Variants in RIN2 observed in about 807,000 individuals in gnomAD.
RIN2 encodes the protein RAB5 interacting protein 2.
Under a neutral mutation model 78.0 loss-of-function variants are expected in RIN2, and 36 were observed. The observed-to-expected ratio is 0.46, with a 90% CI of 0.35 to 0.61. The LOEUF (loss-of-function observed/expected upper bound fraction) is 0.61. Among genes scored for constraint, RIN2 ranks in the 20% least tolerant of loss-of-function variants. The pLI is 0.00. For missense variants in RIN2, 1,087 were observed against 1,159.7 expected (o/e 0.94, Z 0.91); for synonymous variants, 466 against 466.8 (o/e 1.00, Z 0.02).
chr20:19,903,557 C>G (rs1171289690), intron 3 of RIN2, among the ~76,000 whole-genome samples: 2 of 152,124 alleles, frequency 1.3e-5, no homozygotes, highest in African/African-American at 4.8e-5. Flanking sequence ...TCCACCTTGA[C>G]CACTGGTTCT....
chr20:19,898,894 C>G (rs2038858131), intron 3 of RIN2, among the ~76,000 whole-genome samples: 2 of 152,112 alleles, frequency 1.3e-5, no homozygotes, highest in Admixed American at 1.3e-4. Context: ...AGCAGAAATA[C>G]AAACTGGAAT....
At chr20:19,974,415 C>T (rs928263647) in intron 8 of RIN2, among the ~76,000 whole-genome samples, 1 of 152,178 alleles carries the variant, frequency 6.6e-6, no homozygotes, top group African/African-American at 2.4e-5. Flanking sequence ...GTTGGCCAAG[C>T]CATTTCTCCA....
chr20:19,886,775 A>T (rs1458644696), intron 2 of RIN2: 3 of 1,526,576 alleles, frequency 2.0e-6, no homozygotes. Flanking sequence ...AGCCTCTCAA[A>T]CTACGGTACC....
chr20:19,812,631 ATAAAAAGT>A (rs1325603370), intron 2 of RIN2, among the ~76,000 whole-genome samples: 4 of 152,144 alleles, frequency 2.6e-5, no homozygotes, highest in African/African-American at 9.7e-5. Flanking sequence ...TTATTTCCAA[ATAAAAAGT>A]TAAAAAAGCA....
chr20:19,830,784 A>G (rs923005659), intron 2 of RIN2, among the ~76,000 whole-genome samples: 1 of 152,190 alleles, frequency 6.6e-6, no homozygotes, highest in Non-Finnish European at 1.5e-5. Flanking sequence ...CAGCCCCTGC[A>G]GGGGTACCTT....
At chr20:19,952,923 G>A (rs2041379057) in intron 4 of RIN2, among the ~76,000 whole-genome samples, 1 of 152,188 alleles carries the variant, frequency 6.6e-6, no homozygotes, top group Non-Finnish European at 1.5e-5. Context: ...TCAGGCAAAT[G>A]TTCCTTACAG....
intron 6 of RIN2, among the ~76,000 whole-genome samples, chr20:19,962,137 C>T (rs1239425753): frequency 7.5e-6 from 1 of 133,182 alleles, no homozygotes; most frequent in African/African-American, 2.7e-5. Context: ...TCCATCTCCA[C>T]CAAAAAAAAA....
chr20:19,975,161 GCGGC>G lies in RIN2; in HGVS notation c.1144_1147del (p.Pro382AlafsTer47). The G allele has an allele frequency of 6.2e-7, 1 of 1,612,022 alleles. No individual in the cohort carries two copies. ...GAGGGCGGTGCAAAGACCTTGAGCG[GCGGC>G]CGGCCGGGCGCAGGCCCGGAGCTGG... On this transcript the variant is annotated frameshift_variant, in exon 9 of 13. Transcript: ENST00000255006. LOFTEE classifies it high-confidence loss of function. This position sits in a 1 kb window ranked among gnomAD's most constrained non-coding sequence, Gnocchi z 4.9.
chr20:19,923,893 A>G (rs924449611), intron 3 of RIN2, among the ~76,000 whole-genome samples: 3 of 151,976 alleles, frequency 2.0e-5, no homozygotes, highest in Non-Finnish European at 4.4e-5. Flanking sequence ...CAGGGCTAGG[A>G]TAGACAATTG....
chr20:19,988,802 G>A (rs536023465), intron 9 of RIN2, among the ~76,000 whole-genome samples: 38 of 152,024 alleles, frequency 2.5e-4, no homozygotes, highest in Non-Finnish European at 4.7e-4. Flanking sequence ...CAGATTTCCA[G>A]GAAAGTTGCA....
In RIN2 at chr20:19,925,097, G is replaced by GA. The variant is rs11476905; in HGVS notation, c.58-9985dup. Among the ~76,000 whole-genome samples, 241 of 133,470 alleles carry GA rather than the reference G, an allele frequency of 1.8e-3. 1 individual carries two copies. Among genetic ancestry groups the GA allele is most frequent in the African/African-American group, 4.5e-3 (163 of 36,252 alleles). The allele number at this position is 133,470 out of a possible 152,430, so 87.6% of individuals were successfully genotyped here. A position where few individuals can be genotyped will look rare whatever the true frequency, so the allele number is the denominator to read the frequency against. On this transcript the variant is annotated intron_variant, in intron 3 of 12. Transcript: ENST00000255006. ...TCCTCAGCCTTTGGGTAAATTTGTG[G>GA]AAAAAAAAAAAAAAAAAGCTGTCCT...
chr20:19,830,854 G>A (rs971874292), intron 2 of RIN2, among the ~76,000 whole-genome samples: 1 of 152,200 alleles, frequency 6.6e-6, no homozygotes, highest in African/African-American at 2.4e-5. Flanking sequence ...CACATCCAGC[G>A]ATGACTGATG....
intron 1 of RIN2, among the ~76,000 whole-genome samples, chr20:19,798,383 G>A (rs1305991320): frequency 6.6e-6 from 1 of 152,034 alleles, no homozygotes; most frequent in African/African-American, 2.4e-5. Context: ...CATGAAGGAA[G>A]GGATGTGTGT....
intron 8 of RIN2, among the ~76,000 whole-genome samples, chr20:19,973,099 T>C (rs771651497): frequency 6.6e-5 from 10 of 152,238 alleles, no homozygotes; most frequent in Admixed American, 2.0e-4. Flanking sequence ...GGTTTGTATT[T>C]AGATTTCATT....
At chr20:19,844,895 C>T (rs2036734215) in intron 2 of RIN2, among the ~76,000 whole-genome samples, 1 of 151,922 alleles carries the variant, frequency 6.6e-6, no homozygotes, top group African/African-American at 2.4e-5. Context: ...TCCCCCACCC[C>T]CCAACAGGCC....
chr20:19,946,080 G>A (rs1187811318), intron 4 of RIN2, among the ~76,000 whole-genome samples: 1 of 152,202 alleles, frequency 6.6e-6, no homozygotes, highest in Non-Finnish European at 1.5e-5. Flanking sequence ...CTTGCTGTCT[G>A]CAGATCACCT....
intron 4 of RIN2, among the ~76,000 whole-genome samples, chr20:19,953,061 G>A (rs1045107446): frequency 5.3e-5 from 8 of 152,268 alleles, no homozygotes; most frequent in Admixed American, 2.6e-4. Flanking sequence ...TGACTTTCAC[G>A]CAGGCTCTCA....
At chr20:19,818,538 T>C (rs1367039027) in intron 2 of RIN2, among the ~76,000 whole-genome samples, 1 of 151,982 alleles carries the variant, frequency 6.6e-6, no homozygotes, top group East Asian at 1.9e-4. Flanking sequence ...TTGAGACCAG[T>C]CTGACCAACA....
At chr20:19,774,425 A>C (rs1328941178) in intron 1 of RIN2, among the ~76,000 whole-genome samples, 3 of 152,222 alleles carry the variant, frequency 2.0e-5, no homozygotes, top group Admixed American at 2.0e-4. Context: ...ATATTTTTGC[A>C]ACTAGAGAAG....
Sources: allele counts gnomAD v4.1 joint callset (sites outside exome capture counted in the v4.1 genomes callset), GRCh38; gene constraint gnomAD v4.1.1; non-coding constraint Gnocchi (gnomAD v3.1); transcripts MANE v1.5; gene names NCBI Gene and HGNC (gene_info 2026-07-23, HGNC 2026-07-21).